DMKN: variants seen among roughly 807,000 people sequenced by gnomAD.
The protein encoded by DMKN is epidermis-specific secreted protein SK30/SK89.
Under a neutral mutation model 67.6 loss-of-function variants are expected in DMKN, and 58 were observed. That is an observed-to-expected ratio of 0.86 (90% CI 0.69 to 1.07). The LOEUF (loss-of-function observed/expected upper bound fraction) is 1.07, where lower values mean the gene tolerates loss of function less well. DMKN is among the 50% of genes least tolerant of loss of function. The pLI is 0.00. For missense variants in DMKN, 596 were observed against 601.5 expected (o/e 0.99, Z 0.10); for synonymous variants, 240 against 232.3 (o/e 1.03, Z -0.30).
At chr19:35,499,609 A>G (rs2068015445) in intron 13 of DMKN, among the ~76,000 whole-genome samples, 1 of 152,098 alleles carries the variant, frequency 6.6e-6, no homozygotes, top group African/African-American at 2.4e-5. Flanking sequence ...CAGAGAGGGA[A>G]CCTGTGAGGA....
Position 35,499,885 on chromosome 19 carries a change from G to C in DMKN, c.1359+73C>G. The C allele has an allele frequency of 9.7e-6, 15 of 1,540,628 alleles. No individual in the cohort carries two copies. The South Asian group carries it at 1.0e-4, about 10-fold the overall frequency. ...TCCGGCAACCAACCGAGAGGACCCC[G>C]GCAGTGAAAGCCTCTCTCCCCATCC... On this transcript the variant is annotated intron_variant, in intron 13 of 15. Transcript: ENST00000339686.
chr19:35,509,908 C>T lies in DMKN; in HGVS notation c.1038+3G>A, dbSNP rs375204248. 6 of 1,614,114 alleles carry T rather than the reference C, an allele frequency of 3.7e-6. No individual in the cohort carries two copies. The highest frequency in any genetic ancestry group is 5.1e-6 in the Non-Finnish European group (6 of 1,180,042). ...AGGAGACTTAAGAGACTTTGGCTCT[C>T]ACCTGAATCCCAGATTCCCCGCTCC... On this transcript the variant is annotated splice_donor_region_variant and intron_variant, in intron 7 of 15. Transcript: ENST00000339686.
At chr19:35,510,882 C>A (rs1333913200) in intron 5 of DMKN, among the ~76,000 whole-genome samples, 4 of 152,172 alleles carry the variant, frequency 2.6e-5, no homozygotes, top group Non-Finnish European at 5.9e-5. Flanking sequence ...GTCAGTGAGG[C>A]CCGGGGCCCT....
At position 35,497,489 on chromosome 19, in the gene DMKN, C is replaced by T. The variant is rs1385942276; in HGVS notation, c.*50G>A. The T allele has an allele frequency of 6.6e-6, 1 of 152,064 alleles. No homozygotes were observed. Among genetic ancestry groups the T allele is most frequent in the African/African-American group, 2.4e-5 (1 of 41,398 alleles). The allele number at this position is 152,064 out of a possible 1,614,324, so 9.4% of individuals were successfully genotyped here. On this transcript the variant is annotated 3_prime_UTR_variant, in exon 16 of 16. Transcript: ENST00000339686. The stretch of plus-strand genomic sequence containing the variant: ...GGCTGGGGGCCAAGGGGAGGAGCTC[C>T]CTGACGACCAGTGCTTTTCGGGGCC...
rs1332245408 is a variant in DMKN at position 35,497,407 on chromosome 19, A to T, written c.*132T>A. The T allele has an allele frequency of 1.3e-5, 2 of 152,188 alleles. No individual in the cohort carries two copies. The highest frequency in any genetic ancestry group is 4.8e-5 in the African/African-American group (2 of 41,440). The allele number at this position is 152,188 out of a possible 1,614,324, so 9.4% of individuals were successfully genotyped here. ...GCAGTGGGAAGAAACAAGGAGAGAC[A>T]AGCTGGGTCCCCAGCCTAGGAAACA... On this transcript the variant is annotated 3_prime_UTR_variant, in exon 16 of 16. Transcript: ENST00000339686.
chr19:35,513,444 A>G lies in DMKN; in HGVS notation c.32T>C (p.Leu11Pro). The G allele has an allele frequency of 6.2e-7, 1 of 1,601,400 alleles. No individual in the cohort carries two copies. Among genetic ancestry groups the G allele is most frequent in the Non-Finnish European group, 8.5e-7 (1 of 1,179,790 alleles). MKFQGPLACLLLALCLGSGEA... is the reference protein window; with the variant it reads MKFQGPLACLPLALCLGSGEA... ...CCCACTGCCCAGGCAGAGGGCCAGC[A>G]GGAGGCAGGCCAGGGGCCCCTGGAA... The change falls in exon 1 of 16, where the codon CTG (leucine) becomes CCG (proline). Residue 11 changes from leucine to proline, a missense_variant. Leu to Pro is a moderately conservative substitution (Grantham distance 98). Coordinates refer to ENST00000339686, the MANE Select transcript of DMKN (RefSeq NM_033317.5).
intron 5 of DMKN, chr19:35,510,468 A>C: frequency 6.4e-7 from 1 of 1,551,830 alleles, no homozygotes; most frequent in Non-Finnish European, 8.7e-7. Context: ...GGAACTACGC[A>C]ATGATTTGGA....
At position 35,498,708 on chromosome 19, in the gene DMKN, A is replaced by ATCAG. The variant is rs2067859918; in HGVS notation, c.*7_*8insCTGA. ...ATGTGGCCTGGGTCGGCTCACTCTG[A>ATCAG]CACTCACCTACCAAAACTTCACCCA... is the stretch of plus-strand genomic sequence containing the variant. On this transcript the variant is annotated splice_region_variant and intron_variant, in intron 15 of 15. Transcript: ENST00000339686. 2 of 1,613,898 alleles carry ATCAG rather than the reference A, an allele frequency of 1.2e-6. No homozygotes were observed. Among genetic ancestry groups the ATCAG allele is most frequent in the Middle Eastern group, 1.7e-4 (1 of 5,968 alleles).
At position 35,500,015 on chromosome 19, in the gene DMKN, G is replaced by T. The variant is rs1448219026; in HGVS notation, c.1302C>A (p.Asn434Lys). The change falls in exon 13 of 16, where the codon AAC becomes AAA. Residue 434 changes from asparagine (N) to lysine (K), a missense_variant. By Grantham distance (94) the Asn-to-Lys change is moderately conservative. Coordinates refer to ENST00000339686, the MANE Select transcript of DMKN (RefSeq NM_033317.5). ...CATAGGCAGTGGGATACGCATGCTG[G>T]TTGTAATTGTAGTTCTGTGGAAGAA... ...AGRDDQNYNY[N>K]QHAYPTAYGG... The T allele has an allele frequency of 6.2e-7, 1 of 1,614,246 alleles. No homozygotes were observed. The highest frequency in any genetic ancestry group is 1.7e-5 in the Admixed American group (1 of 60,024).
chr19:35,508,143 A>AC, intron 7 of DMKN: 3 of 1,547,476 alleles, frequency 1.9e-6, no homozygotes, highest in Non-Finnish European at 2.6e-6. Context: ...CTCCTGGAGA[A>AC]CAGACCTCTA....
At chr19:35,499,179 G>C (rs149935932) in intron 13 of DMKN, 1 of 496,268 alleles carries the variant, frequency 2.0e-6, no homozygotes, top group African/African-American at 1.9e-5. Flanking sequence ...CTGCCAGGTA[G>C]GGAGACACTG....
At chr19:35,506,449 A>G (rs2069537490) in intron 7 of DMKN, 6 of 644,338 alleles carry the variant, frequency 9.3e-6, no homozygotes, top group Middle Eastern at 4.9e-4. Context: ...TCTGTCCCCA[A>G]AACACCTCAA....
Position 35,511,479 on chromosome 19 carries a change from C to CACCACTGCTGCTGCCACTGCTGCT in DMKN, c.849_850insAGCAGCAGTGGCAGCAGCAGTGGT (p.Gly283_Gly284insSerSerSerGlySerSerSerGly), listed in dbSNP as rs776176602. Reference sequence around the variant, plus strand: ...TTGCCACTGCTGCCACCACTGCTGCCGCCACTGCTGCCGCCACTGCTGCTG... The same window carrying CACCACTGCTGCTGCCACTGCTGCT: ...TTGCCACTGCTGCCACCACTGCTGCCACCACTGCTGCTGCCACTGCTGCTGCCACTGCTGCCGCCACTGCTGCTG... On this transcript the variant is annotated inframe_insertion, in exon 5 of 16. Coordinates refer to ENST00000339686, the MANE Select transcript of DMKN (RefSeq NM_033317.5). 280 of 955,350 alleles carry CACCACTGCTGCTGCCACTGCTGCT rather than the reference C, an allele frequency of 2.9e-4. No homozygotes were observed. The African/African-American group carries it at 5.4e-3, about 18-fold the overall frequency. 59.2% of individuals were successfully genotyped at this position (955,350 alleles called of 1,614,324 possible).
At position 35,511,522 on chromosome 19, in the gene DMKN, ACTG is replaced by A. The variant is rs1568639544; in HGVS notation, c.804_806del (p.Ser269del). 7 of 1,512,312 alleles carry A rather than the reference ACTG, an allele frequency of 4.6e-6. No homozygotes were observed. Among genetic ancestry groups the A allele is most frequent in the Non-Finnish European group, 6.2e-6 (7 of 1,131,200 alleles). 93.7% of individuals were successfully genotyped at this position (1,512,312 alleles called of 1,614,324 possible). On this transcript the variant is annotated inframe_deletion, in exon 5 of 16. Coordinates refer to ENST00000339686, the MANE Select transcript of DMKN (RefSeq NM_033317.5). ...TGCTGCTGCCACTGCTGCTGCCACC[ACTG>A]CTGCTGCCATTGTTGTTGTCACCAT... is the stretch of plus-strand genomic sequence containing the variant.
chr19:35,507,232 A>G (rs1260475036), intron 7 of DMKN: 1 of 467,442 alleles, frequency 2.1e-6, no homozygotes, highest in African/African-American at 2.0e-5. Flanking sequence ...TTCTCCCCTT[A>G]CAAAAGTAAC....
At position 35,502,868 on chromosome 19, in the gene DMKN, T is replaced by C. The variant is rs1007625383; in HGVS notation, c.1153A>G (p.Ser385Gly). 1.2e-6 allele frequency: 2 copies of C among 1,613,612 alleles called. No homozygotes were observed. The highest frequency in any genetic ancestry group is 1.7e-6 in the Non-Finnish European group (2 of 1,179,886). Reference sequence around the variant, plus strand: ...CTGAAGTAGAGGAGGGCTCGGGTGCTGGGGGGCGGGACCTGGTTCTGTGGA... The same window carrying C: ...CTGAAGTAGAGGAGGGCTCGGGTGCCGGGGGGCGGGACCTGGTTCTGTGGA... ...AINKNQVPPP[S>G]TRALLYFSRL... The change falls in exon 10 of 16, where the codon AGC (serine) becomes GGC (glycine). Residue 385 changes from serine (S) to glycine (G), a missense_variant. Ser to Gly is a moderately conservative substitution (Grantham distance 56). Transcript: ENST00000339686.
intron 5 of DMKN, 198 bp from the exon 6 acceptor site, chr19:35,510,450 G>C: frequency 6.4e-7 from 1 of 1,552,168 alleles, no homozygotes; most frequent in South Asian, 1.2e-5. Context: ...GTGTGGCCGA[G>C]GGTATTCGGA....
rs1037373230 is a variant in DMKN, at chr19:35,506,452, C to T, written c.1039-466G>A. The T allele has an allele frequency of 1.6e-5, 10 of 641,276 alleles. No homozygotes were observed. The African/African-American group carries it at 1.6e-4, about 10-fold the overall frequency. 39.7% of individuals were successfully genotyped at this position (641,276 alleles called of 1,614,324 possible). A position where few individuals can be genotyped will look rare whatever the true frequency, so the allele number is the denominator to read the frequency against. ...CCTCCATCCTGGTCTGTCCCCAAAA[C>T]ACCTCAAGCAAATGAGATTAGCTAA... On this transcript the variant is annotated intron_variant, in intron 7 of 15. Coordinates refer to ENST00000339686, the MANE Select transcript of DMKN (RefSeq NM_033317.5).
chr19:35,505,605 G>T, intron 9 of DMKN, 113 bp downstream of exon 9: 2 of 1,417,708 alleles, frequency 1.4e-6, no homozygotes, highest in Non-Finnish European at 2.0e-6. Flanking sequence ...TTTGTTTTTA[G>T]CACTGGCCTA....
Sources: allele counts gnomAD v4.1 joint callset (sites outside exome capture counted in the v4.1 genomes callset), GRCh38; gene constraint gnomAD v4.1.1; transcripts MANE v1.5; gene names NCBI Gene and HGNC (gene_info 2026-07-23, HGNC 2026-07-21).